Variants in HTR2C observed in about 807,000 individuals in gnomAD.
HTR2C encodes 5-hydroxytryptamine receptor 2C.
In HTR2C, 5 loss-of-function variants were observed where a neutral mutation model predicts 21.0. The observed-to-expected ratio is 0.24, with a 90% CI of 0.12 to 0.50. The LOEUF is 0.50. HTR2C is among the 20% of genes least tolerant of loss of function. The pLI is 0.98. For missense variants in HTR2C, 271 were observed against 371.2 expected, an observed-to-expected ratio of 0.73 and a Z score of 2.22; for synonymous variants, 150 against 145.3, an observed-to-expected ratio of 1.03 and a Z score of -0.23.
chrX:114,701,692 C>T lies in HTR2C; in HGVS notation c.-79-25166C>T, dbSNP rs782460680. Among the ~76,000 whole-genome samples, 1,036 of 112,310 alleles carry T rather than the reference C, an allele frequency of 9.2e-3. 9 individuals carry two copies. Among genetic ancestry groups the T allele is most frequent in the African/African-American group, 0.029 (911 of 30,898 alleles). On this transcript the variant is annotated intron_variant, in intron 2 of 5. Coordinates refer to ENST00000276198, the MANE Select transcript of HTR2C (RefSeq NM_000868.4). Reference sequence around the variant, plus strand: ...AAGGAACGCAGTTCCTCACCAGCAACGGAACAAAGCTGGACGGAGAATGAC... The same window carrying T: ...AAGGAACGCAGTTCCTCACCAGCAATGGAACAAAGCTGGACGGAGAATGAC...
intron 2 of HTR2C, among the ~76,000 whole-genome samples, chrX:114,725,980 C>A (rs1556421821): frequency 9.1e-6 from 1 of 110,106 alleles, no homozygotes; most frequent in African/African-American, 3.3e-5. Flanking sequence ...TTGTCTGTGC[C>A]CTGCCCCCAG....
intron 4 of HTR2C, among the ~76,000 whole-genome samples, chrX:114,808,698 T>G (rs1203257389): frequency 8.9e-6 from 1 of 111,911 alleles, no homozygotes; most frequent in Non-Finnish European, 1.9e-5. Flanking sequence ...AGTTTTGATT[T>G]GCATTTTTCT....
intron 4 of HTR2C, among the ~76,000 whole-genome samples, chrX:114,738,245 G>A (rs2069610381): frequency 9.0e-6 from 1 of 111,184 alleles, no homozygotes; most frequent in South Asian, 3.7e-4. Context: ...ATATTGTATT[G>A]CATGCTTGAA....
intron 2 of HTR2C, among the ~76,000 whole-genome samples, chrX:114,637,980 T>G (rs1415307205): frequency 1.8e-5 from 2 of 111,639 alleles, no homozygotes; most frequent in African/African-American, 6.5e-5. Context: ...GCTATGAAAC[T>G]TTTCAGGGAC....
chrX:114,607,357 T>G (rs782354597), intron 1 of HTR2C, among the ~76,000 whole-genome samples: 1 of 111,796 alleles, frequency 8.9e-6, no homozygotes, highest in Admixed American at 9.5e-5. Context: ...TATTGGATAC[T>G]TAAAGACTTG....
At chrX:114,871,959 TA>T (rs1387037060) in intron 5 of HTR2C, among the ~76,000 whole-genome samples, 1 of 108,619 alleles carries the variant, frequency 9.2e-6, no homozygotes, top group Non-Finnish European at 1.9e-5. Flanking sequence ...TGCAATTATT[TA>T]AAATATCCCC....
At chrX:114,866,050 C>G (rs1393391548) in intron 5 of HTR2C, among the ~76,000 whole-genome samples, 2 of 111,351 alleles carry the variant, frequency 1.8e-5, no homozygotes, top group African/African-American at 6.5e-5. Flanking sequence ...CTCCTGACCT[C>G]AGGTGATCTG....
At chrX:114,682,770 C>T (rs1931787979) in intron 2 of HTR2C, among the ~76,000 whole-genome samples, 1 of 111,215 alleles carries the variant, frequency 9.0e-6, no homozygotes, top group Non-Finnish European at 1.9e-5. Flanking sequence ...CTTGGTGATT[C>T]TGAAACTCTA....
chrX:114,822,239 T>A (rs1267267906), intron 4 of HTR2C, among the ~76,000 whole-genome samples: 2 of 112,201 alleles, frequency 1.8e-5, no homozygotes, highest in African/African-American at 6.5e-5. Context: ...TTTACTTTTG[T>A]TCTCTTGTAA....
At chrX:114,594,952 C>G (rs1391206448) in intron 1 of HTR2C, among the ~76,000 whole-genome samples, 3 of 111,517 alleles carry the variant, frequency 2.7e-5, no homozygotes, top group African/African-American at 9.8e-5. Context: ...AATACAGTCA[C>G]AGAATATCCT....
intron 5 of HTR2C, among the ~76,000 whole-genome samples, chrX:114,856,847 A>T (rs966445015): frequency 2.7e-5 from 3 of 111,541 alleles, no homozygotes; most frequent in Non-Finnish European, 5.7e-5. Flanking sequence ...TGCTTGATTC[A>T]TGCCAAGGCA....
intron 1 of HTR2C, among the ~76,000 whole-genome samples, chrX:114,608,454 T>TG (rs1928569560): frequency 9.0e-6 from 1 of 111,551 alleles, no homozygotes; most frequent in Admixed American, 9.6e-5. Context: ...GTAATCCTTT[T>TG]TATCTCTGTA....
intron 2 of HTR2C, among the ~76,000 whole-genome samples, chrX:114,703,915 A>G (rs1292583565): frequency 1.8e-5 from 2 of 110,020 alleles, no homozygotes; most frequent in African/African-American, 6.6e-5. Context: ...CTACCATCAG[A>G]GAATACTACA....
chrX:114,661,062 C>A (rs782605079), intron 2 of HTR2C, among the ~76,000 whole-genome samples: 2 of 112,562 alleles, frequency 1.8e-5, no homozygotes, highest in Non-Finnish European at 3.7e-5. Context: ...TCATGTCTCC[C>A]TAACTTTGGC....
intron 3 of HTR2C, among the ~76,000 whole-genome samples, chrX:114,728,865 C>T (rs990746861): frequency 2.7e-5 from 3 of 111,934 alleles, no homozygotes; most frequent in African/African-American, 6.5e-5. Context: ...GAATGAATTT[C>T]GATGTTTTCA....
rs1199306975 is a variant in HTR2C at position 114,718,989 on chromosome X, TAATATA to T, written c.-79-7867_-79-7862del. On this transcript the variant is annotated intron_variant, in intron 2 of 5. Coordinates refer to ENST00000276198, the MANE Select transcript of HTR2C (RefSeq NM_000868.4). ...TTAATATTTAATATATATAATATAATAATATAATATATAATAATAATATAAAATAAA... is the reference window on the plus strand; with the variant it reads ...TTAATATTTAATATATATAATATAATATATATAATAATAATATAAAATAAA... Among the ~76,000 whole-genome samples, 20 of 95,184 alleles carry T rather than the reference TAATATA, an allele frequency of 2.1e-4. No homozygotes were observed. The Admixed American group carries it at 2.4e-3, about 11-fold the overall frequency. 82.7% of individuals were successfully genotyped at this position (95,184 alleles called of 115,157 possible). A position where few individuals can be genotyped will look rare whatever the true frequency, so the allele number is the denominator to read the frequency against.
chrX:114,584,789 G>C (rs377396132), intron 1 of HTR2C, 130 bp downstream of exon 1: 5 of 111,254 alleles, frequency 4.5e-5, no homozygotes, highest in Non-Finnish European at 3.8e-5. Context: ...GCGGAGGTTG[G>C]GGGGAGGGAC....
At chrX:114,856,508 C>T (rs989224166) in intron 5 of HTR2C, among the ~76,000 whole-genome samples, 2 of 102,527 alleles carry the variant, frequency 2.0e-5, no homozygotes, top group Non-Finnish European at 2.0e-5. Flanking sequence ...GAGCCCGCAT[C>T]GCCAAGTCAA....
chrX:114,740,262 C>A, intron 4 of HTR2C, among the ~76,000 whole-genome samples: 1 of 107,734 alleles, frequency 9.3e-6, no homozygotes, highest in African/African-American at 3.4e-5. Context: ...TAAATGACAC[C>A]ATGATACCAT....
Sources: gnomAD v4.1 joint callset for allele counts (sites outside exome capture counted in the v4.1 genomes callset) on GRCh38, gnomAD v4.1.1 for gene constraint, MANE v1.5 for transcripts, NCBI Gene and HGNC (gene_info 2026-07-23, HGNC 2026-07-21) for gene names.